The following LMBR1 variants were observed in gnomAD, a reference collection of about 807,000 sequenced individuals.
LMBR1 encodes the protein limb region 1 protein homolog.
A neutral mutation model predicts 73.9 loss-of-function variants in LMBR1; 52 were observed. The observed-to-expected ratio is 0.70, with a 90% CI of 0.56 to 0.89. The LOEUF (loss-of-function observed/expected upper bound fraction) is 0.89, where lower values mean the gene tolerates loss of function less well. LMBR1 is among the 40% of genes least tolerant of loss of function. The probability of loss-of-function intolerance (pLI) is 0.00; values close to 1 mark genes in which losing one functional copy is unlikely to be tolerated. For missense variants in LMBR1, 539 were observed against 579.8 expected (o/e 0.93, Z 0.72); for synonymous variants, 215 against 209.4 (o/e 1.03, Z -0.23).
chr7:156,890,503 T>C (rs1802710228), intron 1 of LMBR1, among the ~76,000 whole-genome samples: 2 of 152,158 alleles, frequency 1.3e-5, no homozygotes, highest in African/African-American at 4.8e-5. Flanking sequence ...CAAATCAATA[T>C]TAAAAAGATA....
At chr7:156,706,421 T>C (rs763575774) in intron 15 of LMBR1, among the ~76,000 whole-genome samples, 2 of 152,210 alleles carry the variant, frequency 1.3e-5, no homozygotes, top group Non-Finnish European at 2.9e-5. Flanking sequence ...ATTTACAGAA[T>C]ATTCTGCTCA....
intron 1 of LMBR1, among the ~76,000 whole-genome samples, chr7:156,848,076 A>C (rs930334143): frequency 6.6e-6 from 1 of 151,890 alleles, no homozygotes; most frequent in African/African-American, 2.4e-5. Flanking sequence ...AAAAAAAAAA[A>C]TGCAAAAGAT....
intron 4 of LMBR1, among the ~76,000 whole-genome samples, chr7:156,824,941 A>AT (rs1432958329): frequency 6.6e-6 from 1 of 152,166 alleles, no homozygotes; most frequent in African/African-American, 2.4e-5. Flanking sequence ...ACAGGCAAGA[A>AT]ATTCTATTTC....
chr7:156,795,951 A>G (rs1027165452), intron 5 of LMBR1, among the ~76,000 whole-genome samples: 2 of 152,200 alleles, frequency 1.3e-5, no homozygotes, highest in Non-Finnish European at 2.9e-5. Context: ...TGACTGCCAG[A>G]GTCATTCATT....
chr7:156,869,989 A>G (rs959988923), intron 1 of LMBR1, among the ~76,000 whole-genome samples: 2 of 152,228 alleles, frequency 1.3e-5, no homozygotes, highest in African/African-American at 2.4e-5. Context: ...TGACAATGAT[A>G]AAAGGATCAA....
chr7:156,722,341 A>G (rs527733041), intron 15 of LMBR1, among the ~76,000 whole-genome samples: 1 of 152,296 alleles, frequency 6.6e-6, no homozygotes, highest in South Asian at 2.1e-4. Flanking sequence ...AAATCCTGTT[A>G]TACACTAGGA....
chr7:156,845,967 G>GAA (rs894289276), intron 1 of LMBR1, among the ~76,000 whole-genome samples: 1 of 139,278 alleles, frequency 7.2e-6, no homozygotes. Flanking sequence ...AAATACCTCA[G>GAA]AAAAAAAAAA....
intron 5 of LMBR1, among the ~76,000 whole-genome samples, chr7:156,783,712 A>G (rs966129003): frequency 2.0e-5 from 3 of 152,172 alleles, no homozygotes; most frequent in African/African-American, 4.8e-5. Context: ...TTGACTTTCT[A>G]GTTTTATTTG....
At chr7:156,749,507 G>A (rs1820438220) in intron 9 of LMBR1, among the ~76,000 whole-genome samples, 1 of 152,084 alleles carries the variant, frequency 6.6e-6, no homozygotes, top group Admixed American at 6.6e-5. Context: ...ATGACACTAA[G>A]TGCTTCTGAC....
At chr7:156,886,024 A>T (rs1422217752) in intron 1 of LMBR1, among the ~76,000 whole-genome samples, 3 of 148,674 alleles carry the variant, frequency 2.0e-5, no homozygotes, top group Non-Finnish European at 1.5e-5. Context: ...TGGGTGACAG[A>T]GTGAGACTCT....
intron 9 of LMBR1, among the ~76,000 whole-genome samples, chr7:156,755,967 G>C (rs963582872): frequency 1.3e-5 from 2 of 152,092 alleles, no homozygotes; most frequent in African/African-American, 4.8e-5. Flanking sequence ...GATCTTGTTG[G>C]CGGGAGACTG....
rs528502763 is a variant in LMBR1, at chr7:156,741,118, A to G, written c.758-6861T>C. The stretch of plus-strand genomic sequence containing the variant: ...ATATGGGTTATAGGATAGTATTTGC[A>G]TGCCTCATGATAACATCAAATTGAA... On this transcript the variant is annotated intron_variant, in intron 9 of 16. Transcript: ENST00000353442. 3.3e-5 allele frequency among the ~76,000 whole-genome samples: 5 copies of G among 152,314 alleles called. No individual in the cohort carries two copies. The East Asian group carries it at 5.8e-4, about 18-fold the overall frequency.
rs567665471 is a variant in LMBR1, at chr7:156,715,100, C to T, written c.1225+9012G>A. ...CCAAGTAGCTGGGATTACAGGCGCA[C>T]GCTACCACACTTGGCTAATTTTTAT... On this transcript the variant is annotated intron_variant, in intron 15 of 16. Coordinates refer to ENST00000353442, the MANE Select transcript of LMBR1 (RefSeq NM_022458.4). Among the ~76,000 whole-genome samples the T allele has an allele frequency of 8.6e-5, 13 of 151,858 alleles. No homozygotes were observed. The South Asian group carries it at 2.3e-3, about 27-fold the overall frequency.
At chr7:156,724,446 C>T (rs1447989383) in intron 14 of LMBR1, among the ~76,000 whole-genome samples, 2 of 152,100 alleles carry the variant, frequency 1.3e-5, no homozygotes, top group Non-Finnish European at 1.5e-5. Context: ...AGATAATGCA[C>T]TTTACATTAC....
At chr7:156,797,010 G>C (rs112735543) in intron 4 of LMBR1, among the ~76,000 whole-genome samples, 4 of 152,122 alleles carry the variant, frequency 2.6e-5, no homozygotes, top group Non-Finnish European at 5.9e-5. Context: ...AATCCCATGA[G>C]GCAGGTAGCA....
intron 15 of LMBR1, among the ~76,000 whole-genome samples, chr7:156,707,045 G>A (rs1374487924): frequency 6.6e-6 from 1 of 151,878 alleles, no homozygotes; most frequent in Non-Finnish European, 1.5e-5. Context: ...AAATGAAAAA[G>A]TAAACATTAC....
intron 1 of LMBR1, among the ~76,000 whole-genome samples, chr7:156,873,659 A>T (rs1321259397): frequency 6.6e-6 from 1 of 152,142 alleles, no homozygotes; most frequent in South Asian, 2.1e-4. Flanking sequence ...TTCCACACAC[A>T]GGTTCTCCAA....
intron 4 of LMBR1, among the ~76,000 whole-genome samples, chr7:156,805,647 C>T (rs543484508): frequency 4.6e-5 from 7 of 152,314 alleles, no homozygotes; most frequent in African/African-American, 1.4e-4. Context: ...AATTTTAGAT[C>T]AGCTTGTCAA....
intron 15 of LMBR1, among the ~76,000 whole-genome samples, chr7:156,700,035 A>G (rs905195495): frequency 3.9e-5 from 6 of 152,200 alleles, no homozygotes; most frequent in Non-Finnish European, 8.8e-5. Context: ...CAGCCATCCC[A>G]TTACTGGGTA....
Sources: allele counts gnomAD v4.1 joint callset (sites outside exome capture counted in the v4.1 genomes callset), GRCh38; gene constraint gnomAD v4.1.1; transcripts MANE v1.5; gene names NCBI Gene and HGNC (gene_info 2026-07-23, HGNC 2026-07-21).